Variants in PDPK1 observed in about 807,000 individuals in gnomAD.
PDPK1 encodes the protein 3-phosphoinositide-dependent protein kinase 1.
PDPK1 carries 7 observed loss-of-function variants against 39.8 expected under a neutral mutation model. The observed-to-expected ratio is 0.18, with a 90% CI of 0.10 to 0.33. PDPK1 has a LOEUF of 0.33. Ranked by LOEUF, PDPK1 falls within the 10% of genes least tolerant of loss-of-function variation. The pLI is 1.00. For missense variants in PDPK1, 182 were observed against 384.7 expected (o/e 0.47, Z 4.41); for synonymous variants, 118 against 159.1 (o/e 0.74, Z 1.95).
chr16:2,598,625 T>C lies in PDPK1; in HGVS notation c.*858T>C, dbSNP rs1597081108. On this transcript the variant is annotated 3_prime_UTR_variant, in exon 14 of 14. Coordinates refer to ENST00000342085, the MANE Select transcript of PDPK1 (RefSeq NM_002613.5). ...AGAGAGTCCTGCCCCGAGCCCTAGG[T>C]GGGGCCAGGAGGTGCCTTGGAGAAG... 1 of 233,220 alleles carries C rather than the reference T, an allele frequency of 4.3e-6. No individual in the cohort carries two copies. The highest frequency in any genetic ancestry group is 2.2e-5 in the African/African-American group (1 of 45,306). The allele number at this position is 233,220 out of a possible 1,614,324, so 14.4% of individuals were successfully genotyped here.
In PDPK1 at chr16:2,588,943, T is replaced by G. The variant is rs190014879; in HGVS notation, c.1343+2050T>G. ...TTTTGGTCTTTTCTAAGGTCATAGG[T>G]TTTTGGTATCAATATGTTTTGTTTT... On this transcript the variant is annotated intron_variant, in intron 11 of 13. Transcript: ENST00000342085. 1.5e-4 allele frequency among the ~76,000 whole-genome samples: 23 copies of G among 152,198 alleles called. No homozygotes were observed. In the East Asian group the frequency reaches 4.1e-3, roughly 27 times the overall value.
At chr16:2,544,735 C>T (rs539036955) in intron 1 of PDPK1, among the ~76,000 whole-genome samples, 1 of 152,062 alleles carries the variant, frequency 6.6e-6, no homozygotes, top group South Asian at 2.1e-4. Flanking sequence ...AGGCGCCTGC[C>T]ACCATGCCCG....
intron 12 of PDPK1, among the ~76,000 whole-genome samples, 179 bp from the exon 13 acceptor site, chr16:2,596,944 T>C (rs2067115342): frequency 6.6e-6 from 1 of 152,130 alleles, no homozygotes; most frequent in African/African-American, 2.4e-5. Context: ...CTGCATCCCC[T>C]GTGACCTTAG....
chr16:2,595,653 C>T (rs1205750220), intron 11 of PDPK1, 140 bp from the exon 12 acceptor site: 10 of 695,162 alleles, frequency 1.4e-5, no homozygotes, highest in Admixed American at 2.2e-5. Context: ...ATGTGGCGAA[C>T]GTTCTCTGCT....
At chr16:2,542,071 C>A (rs1370326332) in intron 1 of PDPK1, among the ~76,000 whole-genome samples, 1 of 152,200 alleles carries the variant, frequency 6.6e-6, no homozygotes, top group Admixed American at 6.5e-5. Context: ...ATTTTTGCTC[C>A]AAGAAATTCC....
Position 2,600,137 on chromosome 16 carries a change from C to G in PDPK1, c.*2370C>G, listed in dbSNP as rs1369385184. 1 of 233,264 alleles carries G rather than the reference C, an allele frequency of 4.3e-6. No homozygotes were observed. Among genetic ancestry groups the G allele is most frequent in the Non-Finnish European group, 8.5e-6 (1 of 118,040 alleles). The allele number at this position is 233,264 out of a possible 1,614,324, so 14.4% of individuals were successfully genotyped here. ...ATGTCTACTCCGGTTTTCTCTACCA[C>G]ATCCTTAGAGCCATCACCTGGCACG... On this transcript the variant is annotated 3_prime_UTR_variant, in exon 14 of 14. Transcript: ENST00000342085.
chr16:2,540,797 C>A (rs1266061697), intron 1 of PDPK1, among the ~76,000 whole-genome samples: 1 of 152,216 alleles, frequency 6.6e-6, no homozygotes, highest in Admixed American at 6.5e-5. Flanking sequence ...GCTTGAAATC[C>A]TCCCTTTGGA....
chr16:2,546,744 ACTTTGCTGTAG>A (rs1275415205), intron 1 of PDPK1, among the ~76,000 whole-genome samples: 1 of 152,018 alleles, frequency 6.6e-6, no homozygotes, highest in Non-Finnish European at 1.5e-5. Flanking sequence ...CTAGGCCTTG[ACTTTGCTGTAG>A]CTTCTAAGGT....
At chr16:2,547,239 G>A (rs1312755106) in intron 1 of PDPK1, among the ~76,000 whole-genome samples, 1 of 147,402 alleles carries the variant, frequency 6.8e-6, no homozygotes, top group Non-Finnish European at 1.5e-5. Flanking sequence ...CTCATCAGGG[G>A]GTCCTTCCTG....
chr16:2,553,218 C>T lies in PDPK1; in HGVS notation c.25-4485C>T, dbSNP rs546456274. Reference sequence around the variant, plus strand: ...GAAAAGAGAGCCTTGCTCTGTTGCCCAGACTGGAGTACAGGGTCTCGGTGA... The same window carrying T: ...GAAAAGAGAGCCTTGCTCTGTTGCCTAGACTGGAGTACAGGGTCTCGGTGA... On this transcript the variant is annotated intron_variant, in intron 1 of 13. Coordinates refer to ENST00000342085, the MANE Select transcript of PDPK1 (RefSeq NM_002613.5). Among the ~76,000 whole-genome samples, 237 of 132,670 alleles carry T rather than the reference C, an allele frequency of 1.8e-3. 7 individuals carry two copies. The highest frequency in any genetic ancestry group is 7.4e-3 in the African/African-American group (226 of 30,680). The allele number at this position is 132,670 out of a possible 152,430, so 87.0% of individuals were successfully genotyped here. A position where few individuals can be genotyped will look rare whatever the true frequency, so the allele number is the denominator to read the frequency against.
At chr16:2,587,412 G>C (rs1275815636) in intron 11 of PDPK1, among the ~76,000 whole-genome samples, 1 of 152,162 alleles carries the variant, frequency 6.6e-6, no homozygotes, top group African/African-American at 2.4e-5. Flanking sequence ...GTGAATTTCT[G>C]TTTTATTCCT....
At chr16:2,561,197 T>C (rs1234288744) in intron 2 of PDPK1, among the ~76,000 whole-genome samples, 1 of 146,326 alleles carries the variant, frequency 6.8e-6, no homozygotes, top group Non-Finnish European at 1.5e-5. Flanking sequence ...AAGAGGTTCC[T>C]GAGTTTGTAC....
intron 1 of PDPK1, among the ~76,000 whole-genome samples, chr16:2,544,827 G>A (rs773239662): frequency 3.2e-4 from 49 of 151,912 alleles, no homozygotes; most frequent in African/African-American, 1.0e-3. Flanking sequence ...CTCGTGATCC[G>A]CCCACCTCGG....
intron 1 of PDPK1, among the ~76,000 whole-genome samples, chr16:2,540,609 T>C (rs2066227493): frequency 6.6e-6 from 1 of 152,184 alleles, no homozygotes; most frequent in Admixed American, 6.5e-5. Context: ...GTCTTGACCA[T>C]GCCGTGCTGG....
intron 10 of PDPK1, among the ~76,000 whole-genome samples, chr16:2,585,213 G>C (rs1418945741): frequency 6.6e-6 from 1 of 152,198 alleles, no homozygotes; most frequent in East Asian, 1.9e-4. Context: ...GGGGCTGCTT[G>C]ATACGTGGCT....
At chr16:2,578,167 A>C (rs1158463602) in intron 7 of PDPK1, among the ~76,000 whole-genome samples, 3 of 147,712 alleles carry the variant, frequency 2.0e-5, no homozygotes, top group Non-Finnish European at 3.0e-5. Flanking sequence ...TTGCTCGGCC[A>C]CACACCAGCT....
At chr16:2,587,700 G>T (rs1301835067) in intron 11 of PDPK1, among the ~76,000 whole-genome samples, 1 of 152,168 alleles carries the variant, frequency 6.6e-6, no homozygotes, top group Non-Finnish European at 1.5e-5. Flanking sequence ...GATAGAGACA[G>T]GCTTTCCCTG....
chr16:2,587,571 C>T (rs1019866981), intron 11 of PDPK1, among the ~76,000 whole-genome samples: 7 of 152,088 alleles, frequency 4.6e-5, no homozygotes, highest in Middle Eastern at 3.4e-3. Flanking sequence ...TGCAGTGGCG[C>T]GATCTCAGCT....
chr16:2,556,211 A>G, intron 1 of PDPK1: 1 of 142,164 alleles, frequency 7.0e-6, no homozygotes, highest in South Asian at 2.2e-4. Context: ...TCAGCCTCCC[A>G]ATTAACTGCG....
Sources: allele counts gnomAD v4.1 joint callset (sites outside exome capture counted in the v4.1 genomes callset), GRCh38; gene constraint gnomAD v4.1.1; transcripts MANE v1.5; gene names NCBI Gene and HGNC (gene_info 2026-07-23, HGNC 2026-07-21).